LINGO2: variants seen among roughly 807,000 people sequenced by gnomAD.
LINGO2 encodes leucine-rich repeat and immunoglobulin-like domain-containing nogo receptor-interacting protein 2.
A neutral mutation model predicts 30.6 loss-of-function variants in LINGO2; 14 were observed. That is an observed-to-expected ratio of 0.46 (90% CI 0.30 to 0.72). The LOEUF (loss-of-function observed/expected upper bound fraction) is 0.72. Among genes scored for constraint, LINGO2 ranks in the 30% least tolerant of loss-of-function variants. The pLI is 0.07. For synonymous variants in LINGO2, 317 were observed against 288.5 expected, an observed-to-expected ratio of 1.10 and a Z score of -1.00; for missense variants, 729 against 751.7, an observed-to-expected ratio of 0.97 and a Z score of 0.35.
chr9:28,390,962 T>C (rs898219844), intron 2 of LINGO2, among the ~76,000 whole-genome samples: 2 of 152,164 alleles, frequency 1.3e-5, no homozygotes, highest in African/African-American at 4.8e-5. Flanking sequence ...TCAGAACTAT[T>C]GATACAGATG....
At chr9:29,013,319 A>C in the LINGO2 span, among the ~76,000 whole-genome samples, 1 of 152,152 alleles carries the variant, frequency 6.6e-6, no homozygotes, top group Non-Finnish European at 1.5e-5. Context: ...TGTACCTAAC[A>C]AAGTACCTTA....
chr9:27,949,546 C>A, exon 6 of LINGO2: 1 of 1,614,080 alleles, frequency 6.2e-7, no homozygotes. Context: ...TGCTGGCCAC[C>A]AAACTGCAGG....
the LINGO2 span, among the ~76,000 whole-genome samples, chr9:29,043,231 A>G: frequency 0.44 from 66,130 of 151,650 alleles, 14,526 homozygotes; most frequent in East Asian, 0.54. Flanking sequence ...AAAGATGTAG[A>G]CTGGAAATTT....
At chr9:28,335,166 G>T (rs535293585) in intron 3 of LINGO2, among the ~76,000 whole-genome samples, 2 of 152,264 alleles carry the variant, frequency 1.3e-5, no homozygotes, top group African/African-American at 4.8e-5. Flanking sequence ...GATCAATGCT[G>T]AGGCTTAGGA....
intron 2 of LINGO2, among the ~76,000 whole-genome samples, chr9:28,373,930 G>C (rs1386479852): frequency 1.3e-5 from 2 of 150,490 alleles, no homozygotes; most frequent in Non-Finnish European, 3.0e-5. Flanking sequence ...TATGGATTCA[G>C]ACAAGCATAA....
the LINGO2 span, among the ~76,000 whole-genome samples, chr9:29,079,097 G>A: frequency 5.3e-5 from 8 of 151,718 alleles, no homozygotes; most frequent in East Asian, 3.9e-4. Context: ...ACATGATTCC[G>A]TCTTGTTCCT....
chr9:29,112,049 G>A, the LINGO2 span, among the ~76,000 whole-genome samples: 45 of 151,414 alleles, frequency 3.0e-4, no homozygotes, highest in Non-Finnish European at 3.7e-4. Context: ...GATATATAAT[G>A]TGTACATATG....
chr9:28,930,841 C>A, the LINGO2 span, among the ~76,000 whole-genome samples: 1 of 152,158 alleles, frequency 6.6e-6, no homozygotes, highest in Non-Finnish European at 1.5e-5. This position sits in a 1 kb window ranked among gnomAD's most constrained non-coding sequence, Gnocchi z 4.2. Context: ...GGCTAATGTA[C>A]GGCACACAGA....
chr9:28,406,030 C>A (rs532810644), intron 2 of LINGO2, among the ~76,000 whole-genome samples: 1 of 152,300 alleles, frequency 6.6e-6, no homozygotes, highest in South Asian at 2.1e-4. Context: ...CCTTCCTGCA[C>A]TACCAATGCA....
intron 4 of LINGO2, among the ~76,000 whole-genome samples, chr9:28,052,072 C>A (rs537470297): frequency 2.0e-5 from 3 of 152,004 alleles, no homozygotes; most frequent in Non-Finnish European, 4.4e-5. Context: ...TGCTAAGGAG[C>A]TTTGAATTTA....
chr9:28,520,211 A>C (rs935051776), intron 1 of LINGO2, among the ~76,000 whole-genome samples: 1 of 152,096 alleles, frequency 6.6e-6, no homozygotes, highest in Non-Finnish European at 1.5e-5. Context: ...TACTGAGTAG[A>C]AACTGATATT....
chr9:28,668,620 CAG>C (rs1828894948), intron 1 of LINGO2, among the ~76,000 whole-genome samples: 1 of 151,560 alleles, frequency 6.6e-6, no homozygotes, highest in African/African-American at 2.4e-5. Flanking sequence ...GGTTCACAAT[CAG>C]AGATATATTG....
the LINGO2 span, among the ~76,000 whole-genome samples, chr9:28,791,860 G>A: frequency 1.3e-5 from 2 of 151,504 alleles, no homozygotes; most frequent in African/African-American, 4.8e-5. Context: ...TTATTTTAGA[G>A]ATGAAAACAT....
At chr9:28,911,829 A>G in the LINGO2 span, among the ~76,000 whole-genome samples, 3 of 152,088 alleles carry the variant, frequency 2.0e-5, no homozygotes, top group African/African-American at 7.2e-5. Context: ...ATCTAGTTCA[A>G]CAGTCTTTCC....
intron 4 of LINGO2, among the ~76,000 whole-genome samples, chr9:28,020,677 G>A (rs2119359720): frequency 6.6e-6 from 1 of 152,314 alleles, no homozygotes; most frequent in East Asian, 1.9e-4. Flanking sequence ...TGGGCCTGGT[G>A]CATTATTTTT....
chr9:28,745,397 G>A, the LINGO2 span, among the ~76,000 whole-genome samples: 6 of 152,106 alleles, frequency 3.9e-5, no homozygotes, highest in African/African-American at 1.4e-4. Context: ...CTCATAATAT[G>A]GGGTTGGGGT....
intron 4 of LINGO2, among the ~76,000 whole-genome samples, chr9:28,277,854 A>AC (rs1400863928): frequency 2.0e-5 from 3 of 151,240 alleles, no homozygotes; most frequent in East Asian, 1.9e-4. Context: ...AAAAAACAAA[A>AC]AAAAAAACAA....
intron 4 of LINGO2, among the ~76,000 whole-genome samples, chr9:28,120,077 A>G (rs1827050012): frequency 6.6e-6 from 1 of 152,220 alleles, no homozygotes; most frequent in Non-Finnish European, 1.5e-5. Context: ...TTAAAAGGTA[A>G]TACGGCAACT....
chr9:28,210,023 G>A (rs999250615), intron 4 of LINGO2, among the ~76,000 whole-genome samples: 2 of 151,606 alleles, frequency 1.3e-5, no homozygotes, highest in Non-Finnish European at 3.0e-5. Context: ...CCACTTTAAT[G>A]CAAACAAGAA....
Sources: gnomAD v4.1 joint callset for allele counts (sites outside exome capture counted in the v4.1 genomes callset) on GRCh38, gnomAD v4.1.1 for gene constraint, Gnocchi (gnomAD v3.1) non-coding constraint, MANE v1.5 for transcripts, NCBI Gene and HGNC (gene_info 2026-07-23, HGNC 2026-07-21) for gene names.